CCDC30: variants seen among roughly 807,000 people sequenced by gnomAD.
CCDC30 encodes coiled-coil domain-containing protein 30.
Under a neutral mutation model 100.2 loss-of-function variants are expected in CCDC30, and 70 were observed. The observed-to-expected ratio is 0.70, with a 90% CI of 0.58 to 0.85. CCDC30 has a LOEUF of 0.85. Among genes scored for constraint, CCDC30 ranks in the 40% least tolerant of loss-of-function variants. The pLI, the probability that CCDC30 is intolerant of heterozygous loss-of-function variation, is 0.00. For synonymous variants in CCDC30, 233 were observed against 269.5 expected, an observed-to-expected ratio of 0.86 and a Z score of 1.33; for missense variants, 652 against 771.2, an observed-to-expected ratio of 0.85 and a Z score of 1.83.
At chr1:42,636,113 A>C (rs79406285) in intron 11 of CCDC30, among the ~76,000 whole-genome samples, 1 of 152,084 alleles carries the variant, frequency 6.6e-6, no homozygotes, top group Admixed American at 6.6e-5. Flanking sequence ...AAAGTGACCT[A>C]TATGGAACTG....
At chr1:42,537,103 G>A (rs1644919912) in intron 6 of CCDC30, 2 of 441,374 alleles carry the variant, frequency 4.5e-6, no homozygotes, top group East Asian at 1.4e-4. Flanking sequence ...ATAATAATGG[G>A]GTAGCTCTGT....
intron 9 of CCDC30, among the ~76,000 whole-genome samples, chr1:42,583,924 G>A (rs72953723): frequency 0.039 from 5,992 of 152,268 alleles, 399 homozygotes; most frequent in African/African-American, 0.14. Flanking sequence ...TTGATAAAGT[G>A]TAGGTATCCT....
chr1:42,519,807 C>T (rs917029440), intron 6 of CCDC30, among the ~76,000 whole-genome samples: 2 of 151,846 alleles, frequency 1.3e-5, no homozygotes, highest in African/African-American at 4.8e-5. Context: ...CCCACCTCAG[C>T]CTCCCAAAGT....
At chr1:42,484,438 A>T (rs1272093203) in intron 3 of CCDC30, among the ~76,000 whole-genome samples, 1 of 152,240 alleles carries the variant, frequency 6.6e-6, no homozygotes, top group Non-Finnish European at 1.5e-5. Context: ...CAGTACCCTT[A>T]GTAGTTACAT....
rs1262787405 is a variant in CCDC30 at position 42,596,352 on chromosome 1, C to T, written c.1164+6869C>T. On this transcript the variant is annotated intron_variant, in intron 10 of 16. Coordinates refer to ENST00000668663, the Ensembl canonical transcript of CCDC30. The surrounding 1 kb of genome is among the most constrained non-coding windows in gnomAD (Gnocchi z 4.3). Reference sequence around the variant, plus strand: ...GAAAAATCCCCTTTTGCTTCCAGAACGGGGAGAAAAGGGGAACATTTGAAA... The same window carrying T: ...GAAAAATCCCCTTTTGCTTCCAGAATGGGGAGAAAAGGGGAACATTTGAAA... 2.0e-5 allele frequency among the ~76,000 whole-genome samples: 3 copies of T among 152,060 alleles called. No individual in the cohort carries two copies. The highest frequency in any genetic ancestry group is 3.9e-4 in the East Asian group (2 of 5,186).
intron 6 of CCDC30, among the ~76,000 whole-genome samples, chr1:42,555,342 C>T (rs565938627): frequency 3.3e-5 from 5 of 152,326 alleles, no homozygotes; most frequent in Admixed American, 3.3e-4. Context: ...AGTACATACA[C>T]ACTCCTTCCT....
chr1:42,567,943 A>T (rs1421365261), intron 7 of CCDC30, among the ~76,000 whole-genome samples: 3 of 150,660 alleles, frequency 2.0e-5, no homozygotes, highest in African/African-American at 4.9e-5. Flanking sequence ...CAGTAAATTT[A>T]AAAAAAAAGA....
chr1:42,501,573 C>T (rs563466000), intron 6 of CCDC30, among the ~76,000 whole-genome samples: 25 of 152,184 alleles, frequency 1.6e-4, no homozygotes, highest in Non-Finnish European at 3.4e-4. Flanking sequence ...GGTTTCTCCC[C>T]ATCTTTGTGG....
At chr1:42,634,773 T>TTGTCCA (rs372914197) in intron 11 of CCDC30, among the ~76,000 whole-genome samples, 57 of 152,340 alleles carry the variant, frequency 3.7e-4, no homozygotes, top group African/African-American at 1.3e-3. Flanking sequence ...CATGTTTTGA[T>TTGTCCA]TGTTACCACA....
intron 6 of CCDC30, among the ~76,000 whole-genome samples, chr1:42,544,200 C>T (rs999315491): frequency 2.0e-5 from 3 of 152,142 alleles, no homozygotes; most frequent in African/African-American, 7.2e-5. Flanking sequence ...GCCCATCTTC[C>T]TTTCTTAGAA....
intron 7 of CCDC30, 86 bp from the exon 12 acceptor site, chr1:42,576,934 G>A: frequency 1.0e-6 from 1 of 965,368 alleles, no homozygotes; most frequent in Non-Finnish European, 1.6e-6. Flanking sequence ...GCTTTTAGGG[G>A]ACTATACTCC....
Position 42,556,337 on chromosome 1 carries a change from A to G in CCDC30, c.457-9959A>G, listed in dbSNP as rs766111744. On this transcript the variant is annotated intron_variant, in intron 6 of 16. Coordinates refer to ENST00000668663, the Ensembl canonical transcript of CCDC30. ...AATTGTGAGGCTTAGAGAAGAGCTG[A>G]GCCATATAAATCAGAGCCTTCTTCA... is the stretch of plus-strand genomic sequence containing the variant. 10 of 1,614,118 alleles carry G rather than the reference A, an allele frequency of 6.2e-6. No individual in the cohort carries two copies. In the Admixed American group the frequency reaches 1.7e-4, roughly 27 times the overall value.
In CCDC30 at chr1:42,478,806, A is replaced by T. The variant is rs12097250; in HGVS notation, c.-91-1655A>T. ...AAAAACCAAACTGCGCCCCCCCAAG[A>T]TACCCATTTTATGATAAAATATAGC... On this transcript the variant is annotated intron_variant, in intron 1 of 16. Transcript: ENST00000668663. Among the ~76,000 whole-genome samples, 180 of 152,186 alleles carry T rather than the reference A, an allele frequency of 1.2e-3. 1 individual carries two copies. The highest frequency in any genetic ancestry group is 4.1e-3 in the African/African-American group (172 of 41,538).
In CCDC30 at chr1:42,614,358, G is replaced by A. The variant is rs185545254; in HGVS notation, c.1277+3268G>A. ...GCCTCCCAAAGTGCTGGGATTACAG[G>A]CGTGAGCCACCGCACCTGGCCAATA... On this transcript the variant is annotated intron_variant, in intron 11 of 16. Coordinates refer to ENST00000668663, the Ensembl canonical transcript of CCDC30. Among the ~76,000 whole-genome samples the A allele has an allele frequency of 9.8e-3, 1,486 of 151,982 alleles. 27 individuals are homozygous for A. The highest frequency in any genetic ancestry group is 0.032 in the South Asian group (156 of 4,816).
rs532915858 is a variant in CCDC30, at chr1:42,475,090, G to GA, written c.-91-5364dup. ...TGATTTAAAACCTGGTATGTTGATA[G>GA]AAAAAAATATTAGAGATTGGGACTG... On this transcript the variant is annotated intron_variant, in intron 1 of 16. Transcript: ENST00000668663. Among the ~76,000 whole-genome samples, 63 of 152,034 alleles carry GA rather than the reference G, an allele frequency of 4.1e-4. No individual in the cohort carries two copies. In the South Asian group the frequency reaches 0.012, roughly 29 times the overall value.
intron 6 of CCDC30, among the ~76,000 whole-genome samples, chr1:42,517,868 C>G (rs1644579786): frequency 6.6e-6 from 1 of 152,186 alleles, no homozygotes; most frequent in Non-Finnish European, 1.5e-5. Flanking sequence ...GTTTTGAACA[C>G]TGCAGCTTTG....
At chr1:42,572,601 A>G (rs527546724) in intron 7 of CCDC30, among the ~76,000 whole-genome samples, 8 of 151,972 alleles carry the variant, frequency 5.3e-5, no homozygotes, top group Non-Finnish European at 1.2e-4. Flanking sequence ...ATTAACATTT[A>G]TTTATGTATT....
rs1646138866 is a variant in CCDC30 at position 42,589,368 on chromosome 1, C to A, written c.1049C>A (p.Thr350Asn). The change falls in exon 10 of 17, where the codon ACC (threonine) becomes AAC (asparagine). Residue 350 changes from threonine (T) to asparagine (N), a missense_variant. By Grantham distance (65) the Thr-to-Asn change is moderately conservative. Transcript: ENST00000668663. ...GATGAGTTACACAGGCAAGTGAGAA[C>A]CTTACAAGATAAAGAAAATCTACTG... is the stretch of plus-strand genomic sequence containing the variant. The A allele has an allele frequency of 1.2e-6, 2 of 1,613,524 alleles. No individual in the cohort carries two copies. Among genetic ancestry groups the A allele is most frequent in the African/African-American group, 2.7e-5 (2 of 75,004 alleles).
At chr1:42,465,280 C>T (rs1172091923) in intron 1 of CCDC30, among the ~76,000 whole-genome samples, 1 of 152,146 alleles carries the variant, frequency 6.6e-6, no homozygotes. Context: ...CACTGCGCTC[C>T]AACCTGGGCT....
Sources: allele counts gnomAD v4.1 joint callset (sites outside exome capture counted in the v4.1 genomes callset), GRCh38; gene constraint gnomAD v4.1.1; non-coding constraint Gnocchi (gnomAD v3.1); transcripts MANE v1.5; gene names NCBI Gene and HGNC (gene_info 2026-07-23, HGNC 2026-07-21).